GPR155: variants seen among roughly 807,000 people sequenced by gnomAD.
GPR155 encodes the protein G protein-coupled receptor 155.
GPR155 carries 65 observed loss-of-function variants against 93.1 expected under a neutral mutation model. That is an observed-to-expected ratio of 0.70 (90% CI 0.57 to 0.86). The LOEUF (loss-of-function observed/expected upper bound fraction) is 0.86. Ranked by LOEUF, GPR155 falls within the 40% of genes least tolerant of loss-of-function variation. The pLI is 0.00. For missense variants in GPR155, 838 were observed against 1,034.8 expected (o/e 0.81, Z 2.61); for synonymous variants, 319 against 360.1 (o/e 0.89, Z 1.29).
chr2:174,461,649 GAAAC>G lies in GPR155; in HGVS notation c.1404_1407del (p.Leu468PhefsTer3). ...TGTACCCTCTCTCGCTTTTTCAAAA[GAAAC>G]AAAGAAATTGCTAGAAGGCCTAAGA... On this transcript the variant is annotated frameshift_variant, in exon 8 of 16. Transcript: ENST00000392552. LOFTEE classifies it high-confidence loss of function. 6.2e-7 allele frequency: 1 copy of G among 1,603,900 alleles called. No homozygotes were observed. Among genetic ancestry groups the G allele is most frequent in the Non-Finnish European group, 8.5e-7 (1 of 1,170,998 alleles).
At chr2:174,484,316 A>G (rs1178738493) in intron 1 of GPR155, among the ~76,000 whole-genome samples, 1 of 152,234 alleles carries the variant, frequency 6.6e-6, no homozygotes, top group African/African-American at 2.4e-5. Flanking sequence ...AAACAATTAA[A>G]CAAAGGCGTT....
At chr2:174,446,513 T>G in intron 12 of GPR155, 98 bp downstream of exon 12, 6 of 1,130,816 alleles carry the variant, frequency 5.3e-6, no homozygotes, top group South Asian at 1.4e-5. Flanking sequence ...ACCACACTTC[T>G]GGAAAGCAGC....
At chr2:174,476,627 A>C (rs944459595) in intron 2 of GPR155, among the ~76,000 whole-genome samples, 3 of 151,882 alleles carry the variant, frequency 2.0e-5, no homozygotes, top group Non-Finnish European at 2.9e-5. Context: ...CAAAACAAAA[A>C]AAAACCTTTC....
chr2:174,438,826 T>G (rs1686869104), intron 15 of GPR155, among the ~76,000 whole-genome samples: 1 of 152,196 alleles, frequency 6.6e-6, no homozygotes, highest in Non-Finnish European at 1.5e-5. Flanking sequence ...AGTTTTAAAT[T>G]GTCGAAACTA....
intron 1 of GPR155, among the ~76,000 whole-genome samples, chr2:174,484,576 C>A (rs1264428528): frequency 1.3e-5 from 2 of 152,214 alleles, no homozygotes; most frequent in Admixed American, 1.3e-4. Context: ...GGTTTATCAA[C>A]TCATAAGTTA....
At chr2:174,476,657 G>T (rs1036524918) in intron 2 of GPR155, among the ~76,000 whole-genome samples, 9 of 151,936 alleles carry the variant, frequency 5.9e-5, no homozygotes, top group Admixed American at 2.6e-4. Context: ...CCACAGTCCA[G>T]TCTCCACAAT....
rs1163268467 is a variant in GPR155, at chr2:174,435,422, T to C, written c.*694A>G. 6.6e-6 allele frequency: 1 copy of C among 151,860 alleles called. No homozygotes were observed. Among genetic ancestry groups the C allele is most frequent in the Non-Finnish European group, 1.5e-5 (1 of 67,906 alleles). The allele number at this position is 151,860 out of a possible 1,614,324, so 9.4% of individuals were successfully genotyped here. A position where few individuals can be genotyped will look rare whatever the true frequency, so the allele number is the denominator to read the frequency against. ...AAGATGATTAAACTATATGGGAGAA[T>C]GTGCATAGGTTATATGCAAATACTA... On this transcript the variant is annotated 3_prime_UTR_variant, in exon 16 of 16. Coordinates refer to ENST00000392552, the MANE Select transcript of GPR155 (RefSeq NM_152529.7).
chr2:174,449,134 A>C (rs1345920504), intron 11 of GPR155, among the ~76,000 whole-genome samples: 1 of 152,236 alleles, frequency 6.6e-6, no homozygotes, highest in Non-Finnish European at 1.5e-5. Context: ...ACATGAAAAA[A>C]TGCTGCACAT....
In GPR155 at chr2:174,461,470, C is replaced by A. The variant is rs200012104; in HGVS notation, c.1492G>T (p.Val498Phe). 22 of 1,612,916 alleles carry A rather than the reference C, an allele frequency of 1.4e-5. No individual in the cohort carries two copies. Among genetic ancestry groups the A allele is most frequent in the Non-Finnish European group, 1.8e-5 (21 of 1,179,046 alleles). ...TTGTGTTTTCCAGTTATCAAAAGAACACCAACAAGGAGAGCAGGAATTCTG... is the reference window on the plus strand; with the variant it reads ...TTGTGTTTTCCAGTTATCAAAAGAAAACCAACAAGGAGAGCAGGAATTCTG... ...GWGIPALLVG[V>F]LLITGKHNGD... is the part of the protein sequence containing the mutation. The change falls in exon 9 of 16, where the codon GTT becomes TTT. Residue 498 changes from valine to phenylalanine, a missense_variant. By Grantham distance (50) the Val-to-Phe change is conservative (BLOSUM62 -1). Coordinates refer to ENST00000392552, the MANE Select transcript of GPR155 (RefSeq NM_152529.7).
chr2:174,452,432 T>A (rs1205223397), intron 11 of GPR155, among the ~76,000 whole-genome samples: 1 of 152,222 alleles, frequency 6.6e-6, no homozygotes, highest in Non-Finnish European at 1.5e-5. Flanking sequence ...AATCCTTACA[T>A]TTCTTATATA....
chr2:174,460,217 G>C (rs1230761086), intron 9 of GPR155, 129 bp from the exon 10 acceptor site: 6 of 595,530 alleles, frequency 1.0e-5, no homozygotes, highest in Admixed American at 3.5e-5. Flanking sequence ...CTGGAGTGCA[G>C]TGACACAATC....
intron 11 of GPR155, among the ~76,000 whole-genome samples, chr2:174,452,074 A>G (rs1170977458): frequency 1.3e-5 from 2 of 152,250 alleles, no homozygotes; most frequent in South Asian, 2.1e-4. Context: ...ACTACTAGGT[A>G]TATTGTGTAG....
At position 174,433,455 on chromosome 2, in the gene GPR155, G is replaced by A. The variant is rs1010463079; in HGVS notation, c.*2661C>T. 3 of 152,172 alleles carry A rather than the reference G, an allele frequency of 2.0e-5. No individual in the cohort carries two copies. Among genetic ancestry groups the A allele is most frequent in the African/African-American group, 7.2e-5 (3 of 41,442 alleles). The allele number at this position is 152,172 out of a possible 1,614,324, so 9.4% of individuals were successfully genotyped here. ...TGTGCTCAGTGTTCAGATTGTGTCT[G>A]GAACATGCTAGATGCTCGATAAGTT... On this transcript the variant is annotated 3_prime_UTR_variant, in exon 16 of 16. Transcript: ENST00000392552.
intron 13 of GPR155, among the ~76,000 whole-genome samples, chr2:174,443,254 G>T (rs563491867): frequency 2.0e-5 from 3 of 152,146 alleles, no homozygotes; most frequent in South Asian, 4.1e-4. Flanking sequence ...CATCATAATG[G>T]CCAAACTGTA....
chr2:174,432,190 T>G lies in GPR155; in HGVS notation c.*3926A>C, dbSNP rs1230731498. 1 of 152,658 alleles carries G rather than the reference T, an allele frequency of 6.6e-6. No homozygotes were observed. The highest frequency in any genetic ancestry group is 1.5e-5 in the Non-Finnish European group (1 of 68,040). The allele number at this position is 152,658 out of a possible 1,614,324, so 9.5% of individuals were successfully genotyped here. A position where few individuals can be genotyped will look rare whatever the true frequency, so the allele number is the denominator to read the frequency against. On this transcript the variant is annotated 3_prime_UTR_variant, in exon 16 of 16. Transcript: ENST00000392552. ...TGAGAATGTATAGAAAAGACCTCTA[T>G]GATGGCTTCTGCATTATTCAGATTA...
chr2:174,448,682 C>T (rs1194227075), intron 11 of GPR155, among the ~76,000 whole-genome samples: 1 of 150,710 alleles, frequency 6.6e-6, no homozygotes, highest in Non-Finnish European at 1.5e-5. Context: ...GGACTACAGG[C>T]ACCCGCCACT....
chr2:174,436,964 T>C (rs1408171612), intron 15 of GPR155, among the ~76,000 whole-genome samples: 1 of 152,212 alleles, frequency 6.6e-6, no homozygotes, highest in Non-Finnish European at 1.5e-5. Flanking sequence ...AAGACAATCC[T>C]ACTGATATGT....
chr2:174,459,745 T>G, intron 10 of GPR155, 133 bp downstream of exon 10: 1 of 623,212 alleles, frequency 1.6e-6, no homozygotes, highest in Non-Finnish European at 2.8e-6. Flanking sequence ...CTCTGGAGGC[T>G]CAGGTGGCAG....
intron 10 of GPR155, among the ~76,000 whole-genome samples, chr2:174,456,044 GT>G (rs1687508027): frequency 6.6e-6 from 1 of 152,036 alleles, no homozygotes; most frequent in Admixed American, 6.6e-5. Context: ...GTTTCACCAT[GT>G]TGGCCAGGCT....
Sources: allele counts gnomAD v4.1 joint callset (sites outside exome capture counted in the v4.1 genomes callset), GRCh38; gene constraint gnomAD v4.1.1; transcripts MANE v1.5; gene names NCBI Gene and HGNC (gene_info 2026-07-23, HGNC 2026-07-21).